The following CRYM variants were observed in gnomAD, a reference collection of about 807,000 sequenced individuals.
CRYM encodes the protein crystallin mu, also known as ketimine reductase mu-crystallin.
A neutral mutation model predicts 32.9 loss-of-function variants in CRYM; 18 were observed. The observed-to-expected ratio is 0.55, with a 90% confidence interval of 0.38 to 0.81. CRYM has a LOEUF of 0.81. Ranked by LOEUF, CRYM falls within the 30% of genes least tolerant of loss-of-function variation. CRYM has a pLI of 0.00. For missense variants in CRYM, 337 were observed against 393.5 expected, an observed-to-expected ratio of 0.86 and a Z score of 1.21; for synonymous variants, 153 against 152.4, an observed-to-expected ratio of 1.00 and a Z score of -0.03.
upstream of CRYM, among the ~76,000 whole-genome samples, chr16:21,282,915 GTTTAT>G (rs1338697991): frequency 3.9e-5 from 6 of 152,056 alleles, no homozygotes; most frequent in African/African-American, 9.6e-5. Flanking sequence ...TGTTATTGAG[GTTTAT>G]TTTATTATTA....
chr16:21,269,655 T>A lies in CRYM; in HGVS notation c.489+135A>T. ...CTCCATCAGGGCTTCTGGGAAGTCA[T>A]GAAGATACAAGAATGGTCTAGATGG... On this transcript the variant is annotated intron_variant, in intron 4 of 7. Transcript: ENST00000572914. 5 of 649,766 alleles carry A rather than the reference T, an allele frequency of 7.7e-6. No individual in the cohort carries two copies. The South Asian group carries it at 9.5e-5, about 12-fold the overall frequency. The allele number at this position is 649,766 out of a possible 1,614,324, so 40.3% of individuals were successfully genotyped here. A position where few individuals can be genotyped will look rare whatever the true frequency, so the allele number is the denominator to read the frequency against.
Position 21,262,155 on chromosome 16 carries a change from A to G in CRYM, c.677T>C (p.Val226Ala), listed in dbSNP as rs1446035622. The G allele has an allele frequency of 1.9e-6, 3 of 1,614,112 alleles. No individual in the cohort carries two copies. In the South Asian group the frequency reaches 3.3e-5, roughly 18 times the overall value. ...WVKPGAHINAVGASRPDWREL... is the reference protein window; with the variant it reads ...WVKPGAHINAAGASRPDWREL... ...TCTCCAGTCAGGTCTGCTGGCTCCA[A>G]CAGCTAAGAGACAGCAAAACAGACC... is the stretch of plus-strand genomic sequence containing the variant. Residue 226 changes from valine to alanine, a missense_variant, in exon 6 of 8, where the codon GTT becomes GCT. By Grantham distance (64) the Val-to-Ala change is moderately conservative. Coordinates refer to ENST00000572914, the MANE Select transcript of CRYM (RefSeq NM_001376256.1).
At chr16:21,281,109 ACTCTCTCT>A (rs34104117), upstream of CRYM, among the ~76,000 whole-genome samples, 51 of 127,270 alleles carry the variant, frequency 4.0e-4, no homozygotes, top group South Asian at 2.1e-3. Flanking sequence ...TCTCTCTCTC[ACTCTCTCT>A]CTCTCTCTCT....
chr16:21,300,173 T>G (rs1319093662), intron 1 of CRYM, among the ~76,000 whole-genome samples: 1 of 152,194 alleles, frequency 6.6e-6, no homozygotes, highest in Non-Finnish European at 1.5e-5. Flanking sequence ...TATTAGTCCA[T>G]GTCCATCAAG....
chr16:21,263,565 C>T (rs1430983783), intron 5 of CRYM, among the ~76,000 whole-genome samples: 2 of 152,074 alleles, frequency 1.3e-5, no homozygotes, highest in Admixed American at 1.3e-4. Context: ...AGAAAAAAAA[C>T]AACAACAACA....
At chr16:21,278,565 GA>G, upstream of CRYM, 2 of 475,814 alleles carry the variant, frequency 4.2e-6, no homozygotes, top group Non-Finnish European at 7.7e-6. Context: ...CACATTCCTT[GA>G]CTTTTGCTTC....
chr16:21,290,461 C>T (rs1316565011), intron 1 of CRYM, among the ~76,000 whole-genome samples: 2 of 152,254 alleles, frequency 1.3e-5, no homozygotes, highest in East Asian at 1.9e-4. Flanking sequence ...AGGAACAACT[C>T]TGGACACACC....
At position 21,277,512 on chromosome 16, in the gene CRYM, C is replaced by A. The variant is rs1359820485; in HGVS notation, c.243G>T (p.Glu81Asp). ...ALTTKLVTFY[E>D]DRGITSVVPS... ...GGACGACCGAGGTGATGCCGCGGTC[C>A]TCGTAGAAGGTGACCAACTTGGTGG... The change falls in exon 2 of 8, where the codon GAG becomes GAT. Residue 81 changes from glutamate to aspartate, a missense_variant. Physicochemically the swap from Glu to Asp is conservative, Grantham distance 45. Transcript: ENST00000572914. The surrounding 1 kb of genome is among the most constrained non-coding windows in gnomAD (Gnocchi z 4.2). 1 of 1,613,808 alleles carries A rather than the reference C, an allele frequency of 6.2e-7. No homozygotes were observed. The highest frequency in any genetic ancestry group is 8.5e-7 in the Non-Finnish European group (1 of 1,179,986).
intron 1 of CRYM, among the ~76,000 whole-genome samples, chr16:21,293,013 T>C (rs1318867613): frequency 2.1e-5 from 3 of 145,686 alleles, no homozygotes; most frequent in Non-Finnish European, 3.0e-5. Flanking sequence ...AATAGATGGA[T>C]AGGTAAGTAG....
chr16:21,291,588 G>A (rs574154150), intron 1 of CRYM, among the ~76,000 whole-genome samples: 1 of 152,152 alleles, frequency 6.6e-6, no homozygotes, highest in African/African-American at 2.4e-5. Flanking sequence ...GAATCTCTGT[G>A]ATTAGTATCT....
chr16:21,269,945 A>T (rs1184597124), intron 3 of CRYM, 54 bp from the exon 4 acceptor site: 3 of 1,258,090 alleles, frequency 2.4e-6, no homozygotes, highest in Non-Finnish European at 3.5e-6. Context: ...GCAGACGGGT[A>T]AAAAACTAAG....
chr16:21,270,670 G>A (rs1321544025), intron 3 of CRYM, among the ~76,000 whole-genome samples: 1 of 152,082 alleles, frequency 6.6e-6, no homozygotes, highest in Non-Finnish European at 1.5e-5. Flanking sequence ...TCATATCTCA[G>A]GTACATGCTC....
chr16:21,290,507 G>A (rs563586710), intron 1 of CRYM, among the ~76,000 whole-genome samples: 5 of 152,064 alleles, frequency 3.3e-5, no homozygotes, highest in Admixed American at 6.5e-5. Flanking sequence ...GCAAGGGTCC[G>A]TGGCTTCTTT....
In CRYM at chr16:21,277,975, A is replaced by G; in HGVS notation, c.170+107T>C. On this transcript the variant is annotated intron_variant, in intron 1 of 7. Transcript: ENST00000572914. This position sits in a 1 kb window ranked among gnomAD's most constrained non-coding sequence, Gnocchi z 4.2. ...CTATTAAAAGTGGCAGCTGTTAGCA[A>G]CGGTTAGGCAAGCCGTCTCTTCCCT... is the stretch of plus-strand genomic sequence containing the variant. 5.3e-6 allele frequency: 7 copies of G among 1,316,824 alleles called. No individual in the cohort carries two copies. Among genetic ancestry groups the G allele is most frequent in the Non-Finnish European group, 5.1e-6 (5 of 973,002 alleles). The allele number at this position is 1,316,824 out of a possible 1,614,324, so 81.6% of individuals were successfully genotyped here.
At chr16:21,294,807 G>T (rs1960754070) in intron 1 of CRYM, among the ~76,000 whole-genome samples, 1 of 148,632 alleles carries the variant, frequency 6.7e-6, no homozygotes, top group South Asian at 2.1e-4. Flanking sequence ...CCATTCTTCT[G>T]CCTCAGCCTC....
chr16:21,294,349 ATTTAC>A lies in CRYM; in HGVS notation c.-193+8624_-193+8628del, dbSNP rs1273389905. ...TCGCAAATTATTATTATTTTTTTAAATTTACTTTAAGTTCCGGGATACATGTGCAG... is the reference window on the plus strand; with the variant it reads ...TCGCAAATTATTATTATTTTTTTAAATTTAAGTTCCGGGATACATGTGCAG... On this transcript the variant is annotated intron_variant, in intron 1 of 9. Coordinates refer to the CRYM transcript ENST00000219599. Among the ~76,000 whole-genome samples the A allele has an allele frequency of 5.3e-5, 8 of 152,130 alleles. No homozygotes were observed. The East Asian group carries it at 1.4e-3, about 26-fold the overall frequency.
At chr16:21,271,268 C>A (rs2093374898) in intron 3 of CRYM, among the ~76,000 whole-genome samples, 1 of 152,128 alleles carries the variant, frequency 6.6e-6, no homozygotes, top group Admixed American at 6.5e-5. Flanking sequence ...GAGCAGGTGG[C>A]AAACTCATGC....
At chr16:21,260,292 C>G (rs2093351951) in intron 7 of CRYM, among the ~76,000 whole-genome samples, 1 of 150,880 alleles carries the variant, frequency 6.6e-6, no homozygotes, top group African/African-American at 2.4e-5. Context: ...TGTATCAGCT[C>G]TGTTCCCATG....
chr16:21,263,734 C>T (rs188327963), intron 5 of CRYM, among the ~76,000 whole-genome samples: 2,018 of 152,316 alleles, frequency 0.013, 68 homozygotes, highest in Admixed American at 0.067. Context: ...GCAGAGGCTG[C>T]CACCAAATGC....
Sources: allele counts gnomAD v4.1 joint callset (sites outside exome capture counted in the v4.1 genomes callset), GRCh38; gene constraint gnomAD v4.1.1; non-coding constraint Gnocchi (gnomAD v3.1); transcripts MANE v1.5; gene names NCBI Gene and HGNC (gene_info 2026-07-23, HGNC 2026-07-21).